DNAH8: variants seen among roughly 807,000 people sequenced by gnomAD.
DNAH8 encodes the protein axonemal beta dynein heavy chain 8.
Under a neutral mutation model 562.1 loss-of-function variants are expected in DNAH8, and 382 were observed. The ratio of observed to expected loss-of-function variants is 0.68; its 90% CI spans 0.63 to 0.74. DNAH8 has a LOEUF of 0.74. Among genes scored for constraint, DNAH8 ranks in the 30% least tolerant of loss-of-function variants. The probability of loss-of-function intolerance (pLI) is 0.00; values close to 1 mark genes in which losing one functional copy is unlikely to be tolerated. For synonymous variants in DNAH8, 1,881 were observed against 1,919.4 expected (o/e 0.98, Z 0.52); for missense variants, 5,203 against 5,620.4 (o/e 0.93, Z 2.37).
chr6:38,829,058 A>G (rs1401022743), intron 30 of DNAH8, among the ~76,000 whole-genome samples: 3 of 152,164 alleles, frequency 2.0e-5, no homozygotes, highest in African/African-American at 7.2e-5. Context: ...TCCATGTGCG[A>G]GGACTTCATT....
intron 83 of DNAH8, chr6:38,971,899 G>C (rs1403648882): frequency 2.9e-6 from 1 of 348,400 alleles, no homozygotes. Flanking sequence ...TTCGTTTTAT[G>C]ATTTGGGAGA....
Position 38,878,773 on chromosome 6 carries a change from C to A in DNAH8, c.7858+2945C>A, listed in dbSNP as rs528039521. On this transcript the variant is annotated intron_variant, in intron 53 of 92. Transcript: ENST00000327475. ...AACTACCAGCCATCATCAAGAAGAA[C>A]TAGATATTGCACAGCATGCTGAATA... Among the ~76,000 whole-genome samples the A allele has an allele frequency of 2.0e-5, 3 of 152,212 alleles. No homozygotes were observed. The East Asian group carries it at 5.8e-4, about 29-fold the overall frequency.
At position 38,783,106 on chromosome 6, in the gene DNAH8, G is replaced by T. The variant is rs756762480; in HGVS notation, c.2362G>T (p.Ala788Ser). ...GGAATTCGAGGTGGTCTATCACACAGCCTGGATCAGAGAGATTTCACAGTT... is the reference window on the plus strand; with the variant it reads ...GGAATTCGAGGTGGTCTATCACACATCCTGGATCAGAGAGATTTCACAGTT... Reference protein sequence around the residue: ...LVEFEVVYHTAWIREISQLHY... With the variant: ...LVEFEVVYHTSWIREISQLHY... The change falls in exon 17 of 93, where the codon GCC becomes TCC. Residue 788 changes from alanine (A) to serine (S), a missense_variant. This residue lies in a region of DNAH8 where 2,176 missense variants were observed against 2,365.1 expected (regional missense o/e 0.92). Transcript: ENST00000327475. 4.3e-6 allele frequency: 7 copies of T among 1,613,848 alleles called. No individual in the cohort carries two copies. The Admixed American group carries it at 5.0e-5, about 12-fold the overall frequency.
At chr6:38,974,156 C>T (rs923129038) in intron 84 of DNAH8, among the ~76,000 whole-genome samples, 7 of 152,062 alleles carry the variant, frequency 4.6e-5, no homozygotes, top group African/African-American at 1.2e-4. Context: ...AATCGAAACC[C>T]GAAATGCTCC....
Position 38,913,919 on chromosome 6 carries a change from G to T in DNAH8, c.9930G>T (p.Lys3310Asn). ...CTCAGGATCTTGCAGTCAAGGAGAA[G>T]GAGTTGGCAGTGGCTTCCATAAAAG... ...KLSQDLAVKE[K>N]ELAVASIKAD... Residue 3310 changes from lysine to asparagine, a missense_variant, in exon 67 of 93, where the codon AAG (lysine) becomes AAT (asparagine). Around this residue, in one of 6 missense-constraint regions of DNAH8, gnomAD observed 977 missense variants for 1,061.8 expected, o/e 0.92. Coordinates refer to ENST00000327475, the MANE Select transcript of DNAH8 (RefSeq NM_001206927.2). 6.2e-7 allele frequency: 1 copy of T among 1,613,042 alleles called. No homozygotes were observed. The highest frequency in any genetic ancestry group is 8.5e-7 in the Non-Finnish European group (1 of 1,179,238).
At chr6:38,882,854 G>T in intron 53 of DNAH8, 56 bp from the exon 54 acceptor site, 1 of 1,220,534 alleles carries the variant, frequency 8.2e-7, no homozygotes, top group Non-Finnish European at 1.1e-6. Flanking sequence ...TTTGTATTAT[G>T]AGATAACTTT....
At chr6:39,001,178 T>C (rs1008981706) in intron 88 of DNAH8, among the ~76,000 whole-genome samples, 1 of 152,128 alleles carries the variant, frequency 6.6e-6, no homozygotes, top group Non-Finnish European at 1.5e-5. Flanking sequence ...TATTTTAAAT[T>C]GGAATACGGT....
intron 53 of DNAH8, among the ~76,000 whole-genome samples, chr6:38,880,285 A>G (rs1253277023): frequency 6.6e-6 from 1 of 152,016 alleles, no homozygotes; most frequent in Admixed American, 6.6e-5. Flanking sequence ...AAAAAAGAAT[A>G]CTTAGGAATA....
At chr6:38,831,376 G>A (rs897574139) in intron 30 of DNAH8, among the ~76,000 whole-genome samples, 2 of 139,594 alleles carry the variant, frequency 1.4e-5, no homozygotes, top group Non-Finnish European at 3.0e-5. Context: ...AGTGAACTGA[G>A]ATTGTGCCAC....
intron 87 of DNAH8, among the ~76,000 whole-genome samples, chr6:38,987,033 G>C (rs963083056): frequency 1.3e-5 from 2 of 152,224 alleles, no homozygotes; most frequent in African/African-American, 4.8e-5. Context: ...TTGTTGAATA[G>C]AAGAACGAAT....
chr6:38,925,917 T>A, intron 73 of DNAH8, 138 bp from the exon 74 acceptor site: 1 of 765,644 alleles, frequency 1.3e-6, no homozygotes. Context: ...GTTTGCTTTT[T>A]TTCGAAGTAC....
At position 38,890,677 on chromosome 6, in the gene DNAH8, T is replaced by C. The variant is rs940689462; in HGVS notation, c.8499T>C (p.Asp2833=). Residue 2833 remains aspartate (D), a synonymous_variant, in exon 58 of 93, where the codon GAT becomes GAC. Coordinates refer to ENST00000327475, the MANE Select transcript of DNAH8 (RefSeq NM_001206927.2). Reference sequence around the variant, plus strand: ...GAATTATTGGATGTGGATACTTTGATCCTTGTAGAAGTTTCAAGCCTCAAA... The same window carrying C: ...GAATTATTGGATGTGGATACTTTGACCCTTGTAGAAGTTTCAAGCCTCAAA... ...IFGIIGCGYF[D]PCRSFKPQIC... The C allele has an allele frequency of 1.2e-6, 2 of 1,613,208 alleles. No homozygotes were observed. The highest frequency in any genetic ancestry group is 8.5e-7 in the Non-Finnish European group (1 of 1,179,158).
intron 52 of DNAH8, among the ~76,000 whole-genome samples, chr6:38,874,100 T>TTC (rs1777750965): frequency 1.7e-5 from 1 of 60,602 alleles, no homozygotes; most frequent in African/African-American, 5.7e-5. Flanking sequence ...TTCTTTCTCT[T>TTC]TCTCCTTCCT....
chr6:38,951,738 GT>G lies in DNAH8; in HGVS notation c.12451+228del, dbSNP rs1051866812. 2.6e-4 allele frequency among the ~76,000 whole-genome samples: 38 copies of G among 148,460 alleles called. No individual in the cohort carries two copies. In the East Asian group the frequency reaches 5.9e-3, roughly 23 times the overall value. ...AGAACATGCTCATCTAGCATATAGT[GT>G]TTTTTTTTTGATTGGTTGTGTTTTA... On this transcript the variant is annotated intron_variant, in intron 82 of 92. Coordinates refer to ENST00000327475, the MANE Select transcript of DNAH8 (RefSeq NM_001206927.2).
chr6:38,768,162 G>T (rs944116245), intron 11 of DNAH8, among the ~76,000 whole-genome samples: 16 of 151,912 alleles, frequency 1.1e-4, no homozygotes, highest in Admixed American at 3.3e-4. Flanking sequence ...TGGGTTTTTT[G>T]TTGTTGTTGT....
intron 68 of DNAH8, among the ~76,000 whole-genome samples, chr6:38,915,909 T>C (rs1207440481): frequency 1.3e-5 from 2 of 152,130 alleles, no homozygotes; most frequent in South Asian, 2.1e-4. Flanking sequence ...TGTGGATATA[T>C]ACACACATAT....
intron 58 of DNAH8, among the ~76,000 whole-genome samples, chr6:38,891,371 T>G (rs1779329041): frequency 6.6e-6 from 1 of 152,214 alleles, no homozygotes; most frequent in Non-Finnish European, 1.5e-5. Context: ...ATGAGGTTGA[T>G]ATATTTGACA....
chr6:39,001,822 TAGG>T (rs1306401800), intron 88 of DNAH8, among the ~76,000 whole-genome samples: 1 of 152,062 alleles, frequency 6.6e-6, no homozygotes, highest in African/African-American at 2.4e-5. Flanking sequence ...GAGGATGTGT[TAGG>T]AGGTGATGGC....
intron 82 of DNAH8, among the ~76,000 whole-genome samples, chr6:38,958,646 CAA>C (rs35382684): frequency 1.9e-3 from 110 of 58,878 alleles, no homozygotes; most frequent in African/African-American, 6.9e-3. Context: ...AGTCTCCCAT[CAA>C]AAAAAAAAAA....
Sources: gnomAD v4.1 joint callset for allele counts (sites outside exome capture counted in the v4.1 genomes callset) on GRCh38, gnomAD v4.1.1 for gene constraint, gnomAD v4.1.1 regional missense constraint, MANE v1.5 for transcripts, NCBI Gene and HGNC (gene_info 2026-07-23, HGNC 2026-07-21) for gene names.